EPHA8: variants seen among roughly 807,000 people sequenced by gnomAD.
EPHA8 encodes EPH receptor A8.
In EPHA8, 58 loss-of-function variants were observed where a neutral mutation model predicts 103.6. That is an observed-to-expected ratio of 0.56 (90% CI 0.45 to 0.70). EPHA8 has a LOEUF of 0.70. Ranked by LOEUF, EPHA8 falls within the 30% of genes least tolerant of loss-of-function variation. The pLI is 0.00. For missense variants in EPHA8, 1,304 were observed against 1,395.2 expected (o/e 0.93, Z 1.04); for synonymous variants, 559 against 572.5 (o/e 0.98, Z 0.34).
intron 5 of EPHA8, among the ~76,000 whole-genome samples, chr1:22,592,214 T>C (rs1199613050): frequency 3.3e-5 from 5 of 152,020 alleles, no homozygotes; most frequent in African/African-American, 4.8e-5. Context: ...CCCCTCCCGC[T>C]CTGGGCCCTG....
intron 4 of EPHA8, 96 bp downstream of exon 4, chr1:22,586,731 T>G: frequency 2.8e-6 from 4 of 1,439,230 alleles, no homozygotes; most frequent in Non-Finnish European, 3.8e-6. Context: ...AGTTCTCTGC[T>G]GGTGGGGCAG....
Position 22,597,585 on chromosome 1 carries a change from C to A in EPHA8, c.1931-91C>A. 1.3e-6 allele frequency: 2 copies of A among 1,551,102 alleles called. No homozygotes were observed. The highest frequency in any genetic ancestry group is 2.5e-5 in the South Asian group (2 of 81,028). On this transcript the variant is annotated intron_variant, in intron 10 of 16. Coordinates refer to ENST00000166244, the MANE Select transcript of EPHA8 (RefSeq NM_020526.5). The surrounding 1 kb of genome is among the most constrained non-coding windows in gnomAD (Gnocchi z 4.6). ...GGGAGCGTGTGACCCAGGGGTCTGG[C>A]AAGCCCAGGGGGTCCAAGGGCCTGG... is the stretch of plus-strand genomic sequence containing the variant.
In EPHA8 at chr1:22,589,128, G is replaced by C. The variant is rs780221031; in HGVS notation, c.1237G>C (p.Glu413Gln). The change falls in exon 5 of 17, where the codon GAG (glutamate) becomes CAG (glutamine). Residue 413 changes from glutamate to glutamine, a missense_variant. Glu to Gln is a conservative substitution (Grantham distance 29). Coordinates refer to ENST00000166244, the MANE Select transcript of EPHA8 (RefSeq NM_020526.5). This position sits in a 1 kb window ranked among gnomAD's most constrained non-coding sequence, Gnocchi z 4.3. ...LAHMNYSFWI[E>Q]AVNGVSDLSP... ...CCACATGAACTACTCCTTCTGGATC[G>C]AGGCCGTCAATGGCGTGTCCGACCT... 4 of 1,613,826 alleles carry C rather than the reference G, an allele frequency of 2.5e-6. No individual in the cohort carries two copies. Among genetic ancestry groups the C allele is most frequent in the Non-Finnish European group, 3.4e-6 (4 of 1,179,988 alleles).
Position 22,597,839 on chromosome 1 carries a change from C to T in EPHA8, c.2094C>T (p.Arg698=). The T allele has an allele frequency of 1.2e-6, 2 of 1,611,284 alleles. No individual in the cohort carries two copies. The highest frequency in any genetic ancestry group is 1.3e-5 in the African/African-American group (1 of 75,020). ...MGQFDHPNII[R]LEGVVTRGRL... is the part of the protein sequence containing the mutation. ...AATTCGACCATCCCAACATCATCCG[C>T]CTCGAGGGTGTCGTCACCCGTGGTA... Residue 698 remains arginine, a synonymous_variant, in exon 11 of 17, where the codon CGC becomes CGT. Coordinates refer to ENST00000166244, the MANE Select transcript of EPHA8 (RefSeq NM_020526.5). The surrounding 1 kb of genome is among the most constrained non-coding windows in gnomAD (Gnocchi z 4.6).
chr1:22,601,935 G>A lies in EPHA8; in HGVS notation c.*194G>A, dbSNP rs1641750690. ...GGCGCCTGGGAAGGGGCCTTTGGTG[G>A]CCACCCTGGTGAGGACACCTGTCCC... On this transcript the variant is annotated 3_prime_UTR_variant, in exon 17 of 17. Transcript: ENST00000166244. 1 of 624,736 alleles carries A rather than the reference G, an allele frequency of 1.6e-6. No individual in the cohort carries two copies. The highest frequency in any genetic ancestry group is 1.9e-5 in the African/African-American group (1 of 52,302). The allele number at this position is 624,736 out of a possible 1,614,324, so 38.7% of individuals were successfully genotyped here.
intron 1 of EPHA8, among the ~76,000 whole-genome samples, chr1:22,564,416 G>A (rs763226300): frequency 9.2e-5 from 14 of 151,496 alleles, no homozygotes; most frequent in Admixed American, 3.3e-4. Flanking sequence ...GGCAGCGGGA[G>A]CGGCTTGGGG....
rs761428571 is a variant in EPHA8, at chr1:22,589,313, G to A, written c.1315+107G>A. 16 of 1,611,276 alleles carry A rather than the reference G, an allele frequency of 9.9e-6. No individual in the cohort carries two copies. In the Admixed American group the frequency reaches 1.3e-4, roughly 13 times the overall value. ...CCGGGGACGTGCTGTGGGCCTTTAG[G>A]CAAGTGCCTCTCTGGCCCTGCGCTC... is the stretch of plus-strand genomic sequence containing the variant. On this transcript the variant is annotated intron_variant, in intron 5 of 16. Coordinates refer to ENST00000166244, the MANE Select transcript of EPHA8 (RefSeq NM_020526.5). This position sits in a 1 kb window ranked among gnomAD's most constrained non-coding sequence, Gnocchi z 4.3.
intron 4 of EPHA8, among the ~76,000 whole-genome samples, chr1:22,588,375 G>A (rs2148251906): frequency 6.6e-6 from 1 of 152,286 alleles, no homozygotes; most frequent in Non-Finnish European, 1.5e-5. Flanking sequence ...GGGAGCGGCT[G>A]CTTGGTGCAC....
Position 22,601,678 on chromosome 1 carries a change from G to A in EPHA8, c.2955G>A (p.Leu985=). The A allele has an allele frequency of 5.0e-6, 8 of 1,593,346 alleles. No homozygotes were observed. Among genetic ancestry groups the A allele is most frequent in the Non-Finnish European group, 6.8e-6 (8 of 1,170,052 alleles). The change falls in exon 17 of 17, where the codon CTG becomes CTA. Residue 985 remains leucine, a synonymous_variant. Transcript: ENST00000166244. ...TCATGGGCCACCAGAAGAAGATCCT[G>A]GGCAGCATTCAGACCATGCGGGCCC... The part of the protein sequence containing the change: ...ITLMGHQKKI[L]GSIQTMRAQL...
chr1:22,591,808 A>G (rs1262050860), intron 5 of EPHA8, among the ~76,000 whole-genome samples: 13 of 152,066 alleles, frequency 8.5e-5, no homozygotes, highest in Admixed American at 8.5e-4. Flanking sequence ...TGACATTCCT[A>G]TGCCTGGCTC....
rs1055997563 is a variant in EPHA8, at chr1:22,567,787, C to T, written c.95-1502C>T. Among the ~76,000 whole-genome samples, 3 of 152,202 alleles carry T rather than the reference C, an allele frequency of 2.0e-5. No homozygotes were observed. Among genetic ancestry groups the T allele is most frequent in the Non-Finnish European group, 2.9e-5 (2 of 68,042 alleles). ...ACGGGAAAGTTCCAGGAGAGCTCCACCTTTAACCCCCGTCACCTGCCCAAG... is the reference window on the plus strand; with the variant it reads ...ACGGGAAAGTTCCAGGAGAGCTCCATCTTTAACCCCCGTCACCTGCCCAAG... On this transcript the variant is annotated intron_variant, in intron 1 of 16. Coordinates refer to ENST00000166244, the MANE Select transcript of EPHA8 (RefSeq NM_020526.5). This position sits in a 1 kb window ranked among gnomAD's most constrained non-coding sequence, Gnocchi z 4.2.
rs1314107191 is a variant in EPHA8, at chr1:22,563,773, C to CG, written c.94+48dup. 1.3e-5 allele frequency: 2 copies of CG among 149,586 alleles called. No individual in the cohort carries two copies. Among genetic ancestry groups the CG allele is most frequent in the Non-Finnish European group, 3.0e-5 (2 of 66,808 alleles). The allele number at this position is 149,586 out of a possible 1,614,324, so 9.3% of individuals were successfully genotyped here. ...GCGGGGCAGGGGCGGCCGAGGGGCG[C>CG]GGGGCGCGGCGCGCGCTGCCTGCGG... On this transcript the variant is annotated intron_variant, in intron 1 of 16. Transcript: ENST00000166244. This position sits in a 1 kb window ranked among gnomAD's most constrained non-coding sequence, Gnocchi z 4.4.
chr1:22,589,008 C>T lies in EPHA8; in HGVS notation c.1117C>T (p.Leu373=), dbSNP rs1016080567. 2 of 1,613,200 alleles carry T rather than the reference C, an allele frequency of 1.2e-6. No homozygotes were observed. Among genetic ancestry groups the T allele is most frequent in the Non-Finnish European group, 1.7e-6 (2 of 1,179,658 alleles). The change falls in exon 5 of 17, where the codon CTG becomes TTG. Residue 373 remains leucine (L), a synonymous_variant. Transcript: ENST00000166244. The surrounding 1 kb of genome is among the most constrained non-coding windows in gnomAD (Gnocchi z 4.3). ...CGTGTGCCGCCGCTGCCCCTGGGCACTGAGCCGCTGCGAGGCATGTGGGAG... is the reference window on the plus strand; with the variant it reads ...CGTGTGCCGCCGCTGCCCCTGGGCATTGAGCCGCTGCGAGGCATGTGGGAG... ...NAVCRRCPWA[L]SRCEACGSGT...
intron 3 of EPHA8, among the ~76,000 whole-genome samples, chr1:22,582,749 C>T (rs868453089): frequency 2.0e-5 from 3 of 152,192 alleles, no homozygotes; most frequent in South Asian, 2.1e-4. Context: ...CAGCACCCCC[C>T]GCACCCTGGT....
At position 22,593,519 on chromosome 1, in the gene EPHA8, G is replaced by T. The variant is rs1419895899; in HGVS notation, c.1441-5G>T. On this transcript the variant is annotated splice_region_variant and splice_polypyrimidine_tract_variant and intron_variant, in intron 6 of 16. Coordinates refer to ENST00000166244, the MANE Select transcript of EPHA8 (RefSeq NM_020526.5). The stretch of plus-strand genomic sequence containing the variant: ...CAGGGCCCACTGACCACCGTCCCGT[G>T]GCAGGACAAGGAGATGCAGAGCTAC... 1.2e-6 allele frequency: 2 copies of T among 1,611,424 alleles called. No homozygotes were observed. The highest frequency in any genetic ancestry group is 2.7e-5 in the African/African-American group (2 of 74,928).
In EPHA8 at chr1:22,563,766, A is replaced by AGGGGCGC. The variant is rs1290735582; in HGVS notation, c.94+47_94+53dup. The AGGGGCGC allele has an allele frequency of 1.4e-5, 2 of 148,006 alleles. No individual in the cohort carries two copies. The highest frequency in any genetic ancestry group is 4.0e-4 in the East Asian group (2 of 4,952). 9.2% of individuals were successfully genotyped at this position (148,006 alleles called of 1,614,324 possible). On this transcript the variant is annotated intron_variant, in intron 1 of 16. Transcript: ENST00000166244. This position sits in a 1 kb window ranked among gnomAD's most constrained non-coding sequence, Gnocchi z 4.4. ...CGGCGGGGCGGGGCAGGGGCGGCCG[A>AGGGGCGC]GGGGCGCGGGGCGCGGCGCGCGCTG...
rs541811489 is a variant in EPHA8, at chr1:22,594,229, A to G, written c.1603+543A>G. Among the ~76,000 whole-genome samples, 12 of 152,274 alleles carry G rather than the reference A, an allele frequency of 7.9e-5. No individual in the cohort carries two copies. The South Asian group carries it at 2.5e-3, about 32-fold the overall frequency. On this transcript the variant is annotated intron_variant, in intron 7 of 16. Coordinates refer to ENST00000166244, the MANE Select transcript of EPHA8 (RefSeq NM_020526.5). ...GGTGATCTCCCACCTTGGCCTCCCA[A>G]AGTGCTGGGATTACAGGCATGGACC...
At chr1:22,595,383 GC>G in intron 8 of EPHA8, 60 bp downstream of exon 8, 6 of 1,432,504 alleles carry the variant, frequency 4.2e-6, no homozygotes, top group Non-Finnish European at 4.8e-6. Context: ...CCTCCTGCCT[GC>G]CCCCAGCCCC....
chr1:22,579,526 A>G (rs918333734), intron 3 of EPHA8, among the ~76,000 whole-genome samples: 1 of 151,996 alleles, frequency 6.6e-6, no homozygotes, highest in Admixed American at 6.6e-5. Flanking sequence ...CATGTGGGGG[A>G]GTCTGTGCAG....
Sources: allele counts gnomAD v4.1 joint callset (sites outside exome capture counted in the v4.1 genomes callset), GRCh38; gene constraint gnomAD v4.1.1; non-coding constraint Gnocchi (gnomAD v3.1); transcripts MANE v1.5; gene names NCBI Gene and HGNC (gene_info 2026-07-23, HGNC 2026-07-21).